The following ITPR1 variants were observed in gnomAD, a reference collection of about 807,000 sequenced individuals.
ITPR1 encodes the protein inositol 1,4,5-trisphosphate receptor type 1.
Under a neutral mutation model 318.4 loss-of-function variants are expected in ITPR1, and 96 were observed. The observed-to-expected ratio is 0.30, with a 90% CI of 0.26 to 0.36. ITPR1 has a LOEUF of 0.36. Ranked by LOEUF, ITPR1 falls within the 10% of genes least tolerant of loss-of-function variation. The pLI is 1.00. For missense variants in ITPR1, 2,440 were observed against 3,460.2 expected, an observed-to-expected ratio of 0.71 and a Z score of 7.40; for synonymous variants, 1,312 against 1,289.9, an observed-to-expected ratio of 1.02 and a Z score of -0.37.
chr3:4,602,958 A>C (rs1303146285), intron 4 of ITPR1, among the ~76,000 whole-genome samples: 1 of 152,144 alleles, frequency 6.6e-6, no homozygotes, highest in Non-Finnish European at 1.5e-5. Flanking sequence ...TTTTCTAAAA[A>C]CTGCTGAGTT....
Position 4,627,853 on chromosome 3 carries a change from A to G in ITPR1, c.254A>G (p.Asp85Gly). 6.2e-7 allele frequency: 1 copy of G among 1,613,230 alleles called. No homozygotes were observed. Among genetic ancestry groups the G allele is most frequent in the Non-Finnish European group, 8.5e-7 (1 of 1,179,362 alleles). Residue 85 changes from aspartate to glycine, a missense_variant, in exon 5 of 62, where the codon GAC (aspartate) becomes GGC (glycine). Transcript: ENST00000649015. ...AAGCCTGGGGCCAACAGCACCACAG[A>G]CGCAGTGCTACTCAACAAACTGCAC... ...AAKPGANSTT[D>G]AVLLNKLHHA... is the part of the protein sequence containing the mutation.
At chr3:4,653,951 C>T in intron 12 of ITPR1, 65 bp downstream of exon 12, 5 of 1,172,608 alleles carry the variant, frequency 4.3e-6, no homozygotes, top group Non-Finnish European at 6.3e-6. Context: ...TCTGGAGCTC[C>T]ATTTAAGAAA....
Position 4,669,789 on chromosome 3 carries a change from G to C in ITPR1, c.2006+16G>C. 1 of 1,597,594 alleles carries C rather than the reference G, an allele frequency of 6.3e-7. No individual in the cohort carries two copies. Among genetic ancestry groups the C allele is most frequent in the Admixed American group, 1.7e-5 (1 of 58,624 alleles). On this transcript the variant is annotated intron_variant, in intron 19 of 61. Coordinates refer to ENST00000649015, the MANE Select transcript of ITPR1 (RefSeq NM_001378452.1). ...TTGAGACCAAGTGAGTGGGGAGCCA[G>C]GGTTTAGATGGAAAACATGGGGTTC...
chr3:4,706,350 A>T lies in ITPR1; in HGVS notation c.4841A>T (p.Gln1614Leu). 1 of 1,605,388 alleles carries T rather than the reference A, an allele frequency of 6.2e-7. No individual in the cohort carries two copies. Among genetic ancestry groups the T allele is most frequent in the Non-Finnish European group, 8.5e-7 (1 of 1,173,654 alleles). The part of the protein sequence containing the change: ...RDYRNIIERL[Q>L]DIVSALEDRL... Reference sequence around the variant, plus strand: ...TACCGGAATATCATTGAGAGATTGCAGGTAATGCCTGGTGTTGAGAGAAGT... The same window carrying T: ...TACCGGAATATCATTGAGAGATTGCTGGTAATGCCTGGTGTTGAGAGAAGT... Residue 1614 changes from glutamine (Q) to leucine (L), a missense_variant and splice_region_variant, in exon 37 of 62, where the codon CAG (glutamine) becomes CTG (leucine). By Grantham distance (113) the Gln-to-Leu change is moderately radical. Transcript: ENST00000649015.
intron 4 of ITPR1, among the ~76,000 whole-genome samples, chr3:4,617,451 G>A (rs2125110089): frequency 6.6e-6 from 1 of 152,214 alleles, no homozygotes; most frequent in Non-Finnish European, 1.5e-5. Context: ...CCAAGAGAGA[G>A]ACCTGCCCAA....
intron 7 of ITPR1, 132 bp from the exon 8 acceptor site, chr3:4,644,004 C>G: frequency 1.5e-6 from 1 of 648,404 alleles, no homozygotes; most frequent in Non-Finnish European, 2.9e-6. Flanking sequence ...GTGTGTGCTA[C>G]ATCTTTATAC....
chr3:4,815,256 G>T, intron 59 of ITPR1, 38 bp downstream of exon 59: 1 of 1,605,208 alleles, frequency 6.2e-7, no homozygotes, highest in Non-Finnish European at 8.5e-7. Flanking sequence ...GGGCGTGAAG[G>T]CCCAGCGTGG....
chr3:4,611,824 A>C (rs1445004011), intron 4 of ITPR1, among the ~76,000 whole-genome samples: 1 of 152,132 alleles, frequency 6.6e-6, no homozygotes, highest in Admixed American at 6.5e-5. Flanking sequence ...CTTGAAAATA[A>C]ATTTCATAGA....
chr3:4,767,019 G>A (rs2291863), intron 45 of ITPR1, among the ~76,000 whole-genome samples: 37,362 of 152,182 alleles, frequency 0.25, 5,386 homozygotes, highest in East Asian at 0.47. Flanking sequence ...AGGGAAATAC[G>A]TATTTTAAAA....
At chr3:4,746,549 A>G (rs1313561062) in intron 44 of ITPR1, among the ~76,000 whole-genome samples, 1 of 91,822 alleles carries the variant, frequency 1.1e-5, no homozygotes, top group Non-Finnish European at 2.8e-5. Flanking sequence ...TGAGGCAGAG[A>G]TAATGGGTTG....
chr3:4,521,190 G>C (rs781150136), intron 4 of ITPR1, 96 bp downstream of exon 4: 3 of 741,884 alleles, frequency 4.0e-6, no homozygotes, highest in Admixed American at 2.7e-5. Context: ...AGCAAAATAG[G>C]CTTATTTATT....
chr3:4,615,675 C>A (rs1228958015), intron 4 of ITPR1, among the ~76,000 whole-genome samples: 1 of 152,132 alleles, frequency 6.6e-6, no homozygotes, highest in African/African-American at 2.4e-5. Context: ...CTGAGCTTGA[C>A]CCCAACTGAC....
chr3:4,608,711 A>G (rs1467154244), intron 4 of ITPR1, among the ~76,000 whole-genome samples: 1 of 151,980 alleles, frequency 6.6e-6, no homozygotes, highest in Non-Finnish European at 1.5e-5. Context: ...CACCCAAAAT[A>G]TCAGTGGTGC....
chr3:4,562,368 A>T (rs2086769773), intron 4 of ITPR1, among the ~76,000 whole-genome samples: 1 of 152,210 alleles, frequency 6.6e-6, no homozygotes, highest in Non-Finnish European at 1.5e-5. Context: ...TTTTATTAAA[A>T]GGTTGGCTTA....
intron 2 of ITPR1, among the ~76,000 whole-genome samples, chr3:4,511,396 C>T (rs1173722135): frequency 6.6e-6 from 1 of 152,132 alleles, no homozygotes; most frequent in East Asian, 1.9e-4. Context: ...AACAAAGCTG[C>T]CACAGCCTCC....
chr3:4,681,624 A>AGTGTGTGT lies in ITPR1; in HGVS notation c.3161+233_3161+240dup, dbSNP rs10665371. On this transcript the variant is annotated intron_variant, in intron 26 of 61. Transcript: ENST00000649015. ...GAGAGTGAGAGAGAGAGAGAGAGAA[A>AGTGTGTGT]GTGTGTGTGTGTGTGTGTGTGTGTG... Among the ~76,000 whole-genome samples the AGTGTGTGT allele has an allele frequency of 1.6e-3, 240 of 145,886 alleles. 1 individual carries two copies. The highest frequency in any genetic ancestry group is 8.7e-3 in the East Asian group (43 of 4,916).
chr3:4,568,017 G>A (rs184456233), intron 4 of ITPR1, among the ~76,000 whole-genome samples: 1 of 152,240 alleles, frequency 6.6e-6, no homozygotes, highest in East Asian at 1.9e-4. Context: ...TCAGGTATGT[G>A]GTCACTGATT....
chr3:4,707,201 AT>A (rs1367658818), intron 37 of ITPR1, among the ~76,000 whole-genome samples: 12 of 152,236 alleles, frequency 7.9e-5, no homozygotes, highest in Non-Finnish European at 1.5e-4. Flanking sequence ...AGTTACCTGT[AT>A]TTCGTGCAGT....
At chr3:4,574,966 A>G (rs2088472246) in intron 4 of ITPR1, among the ~76,000 whole-genome samples, 1 of 152,212 alleles carries the variant, frequency 6.6e-6, no homozygotes, top group Non-Finnish European at 1.5e-5. Context: ...ACACTCCCTG[A>G]GGCCCTCCTA....
Sources: gnomAD v4.1 joint callset for allele counts (sites outside exome capture counted in the v4.1 genomes callset) on GRCh38, gnomAD v4.1.1 for gene constraint, MANE v1.5 for transcripts, NCBI Gene and HGNC (gene_info 2026-07-23, HGNC 2026-07-21) for gene names.